The following TCF7 variants were observed in gnomAD, a reference collection of about 807,000 sequenced individuals.
The protein encoded by TCF7 is transcription factor 7, also known as T-cell-factor-7.
TCF7 carries 19 observed loss-of-function variants against 46.8 expected under a neutral mutation model. That is an observed-to-expected ratio of 0.41 (90% CI 0.28 to 0.60). TCF7 has a LOEUF of 0.60. TCF7 is among the 20% of genes least tolerant of loss of function. TCF7 has a pLI of 0.35. For synonymous variants in TCF7, 245 were observed against 213.4 expected, an observed-to-expected ratio of 1.15 and a Z score of -1.29; for missense variants, 547 against 504.6, an observed-to-expected ratio of 1.08 and a Z score of -0.81.
rs1760803955 is a variant in TCF7 at position 134,147,144 on chromosome 5, T to TATCA, written c.*843_*846dup. On this transcript the variant is annotated 3_prime_UTR_variant, in exon 10 of 10. Coordinates refer to ENST00000342854, the MANE Select transcript of TCF7 (RefSeq NM_003202.5). ...GAATGGAATAGGTTAAGTTTAGGCC[T>TATCA]ATCAACCTAAGCAACAGAAATAATC... is the stretch of plus-strand genomic sequence containing the variant. 6.5e-6 allele frequency: 1 copy of TATCA among 152,746 alleles called. No individual in the cohort carries two copies. Among genetic ancestry groups the TATCA allele is most frequent in the Non-Finnish European group, 1.5e-5 (1 of 68,488 alleles). The allele number at this position is 152,746 out of a possible 1,614,324, so 9.5% of individuals were successfully genotyped here.
the TCF7 span, among the ~76,000 whole-genome samples, chr5:134,108,484 C>A: frequency 6.6e-6 from 1 of 152,150 alleles, no homozygotes; most frequent in Admixed American, 6.5e-5. Flanking sequence ...TTACCCTGCC[C>A]ACCACATCCC....
chr5:134,124,255 G>A (rs1757021654), intron 3 of TCF7, among the ~76,000 whole-genome samples: 1 of 152,166 alleles, frequency 6.6e-6, no homozygotes, highest in Non-Finnish European at 1.5e-5. Context: ...GTCCTGTTTC[G>A]CAGACCTGTC....
chr5:134,148,175 CTT>C lies in TCF7; in HGVS notation c.*1875_*1876del, dbSNP rs958688530. 6.6e-6 allele frequency: 1 copy of C among 152,556 alleles called. No individual in the cohort carries two copies. Among genetic ancestry groups the C allele is most frequent in the South Asian group, 2.1e-4 (1 of 4,820 alleles). 9.5% of individuals were successfully genotyped at this position (152,556 alleles called of 1,614,324 possible). A position where few individuals can be genotyped will look rare whatever the true frequency, so the allele number is the denominator to read the frequency against. The stretch of plus-strand genomic sequence containing the variant: ...TTGTTAATGCATCATCATAGAAAAA[CTT>C]TTAAACATGAGAATAAAGATACTTT... On this transcript the variant is annotated 3_prime_UTR_variant, in exon 10 of 10. Transcript: ENST00000342854.
intron 3 of TCF7, among the ~76,000 whole-genome samples, chr5:134,122,509 T>C (rs1222191818): frequency 6.6e-6 from 1 of 152,160 alleles, no homozygotes; most frequent in Non-Finnish European, 1.5e-5. Flanking sequence ...TGGCCCCCTT[T>C]CTGGGTCTCT....
At chr5:134,140,042 AAG>A (rs1759504644) in intron 5 of TCF7, among the ~76,000 whole-genome samples, 1 of 152,208 alleles carries the variant, frequency 6.6e-6, no homozygotes, top group African/African-American at 2.4e-5. Flanking sequence ...GCTGAAGACC[AAG>A]AGAGTTGAGC....
intron 3 of TCF7, among the ~76,000 whole-genome samples, chr5:134,129,380 C>T (rs916851638): frequency 1.3e-5 from 2 of 152,272 alleles, no homozygotes; most frequent in African/African-American, 2.4e-5. Flanking sequence ...TCCCTACTGC[C>T]AAAGACAGCG....
chr5:134,139,161 CA>C, intron 5 of TCF7, 123 bp downstream of exon 5: 1 of 1,441,224 alleles, frequency 6.9e-7, no homozygotes. Context: ...GTTTAGATGC[CA>C]GGGGCTGGCC....
intron 3 of TCF7, among the ~76,000 whole-genome samples, chr5:134,122,018 T>C (rs1438441466): frequency 1.3e-5 from 2 of 152,156 alleles, no homozygotes; most frequent in African/African-American, 4.8e-5. Flanking sequence ...CTATTTTGAA[T>C]TACCTTTCTT....
At position 134,146,903 on chromosome 5, in the gene TCF7, C is replaced by T. The variant is rs913254282; in HGVS notation, c.*600C>T. On this transcript the variant is annotated 3_prime_UTR_variant, in exon 10 of 10. Transcript: ENST00000342854. The stretch of plus-strand genomic sequence containing the variant: ...ATCTCCCCCATCCCCCACTGCCACA[C>T]CCTCCCCATTCAGACACTTCATGGA... 6 of 265,180 alleles carry T rather than the reference C, an allele frequency of 2.3e-5. No homozygotes were observed. Among genetic ancestry groups the T allele is most frequent in the Non-Finnish European group, 4.3e-5 (6 of 139,368 alleles). 16.4% of individuals were successfully genotyped at this position (265,180 alleles called of 1,614,324 possible).
chr5:134,125,102 C>G (rs1016763963), intron 3 of TCF7, among the ~76,000 whole-genome samples: 1 of 152,170 alleles, frequency 6.6e-6, no homozygotes, highest in Non-Finnish European at 1.5e-5. Context: ...CAGCTCCTTG[C>G]AAGCATTGCT....
chr5:134,136,220 C>G (rs1432026239), intron 3 of TCF7, among the ~76,000 whole-genome samples: 1 of 152,118 alleles, frequency 6.6e-6, no homozygotes, highest in African/African-American at 2.4e-5. Context: ...GGGAATGAGA[C>G]AGGGTTTACA....
rs1002651869 is a variant in TCF7, at chr5:134,120,841, A to G, written c.441+4808A>G. Reference sequence around the variant, plus strand: ...GGCTGTTCGTTTCCTCCTCTGCACAATGGGAGTGGTGAGCCCTCCTCCCAG... The same window carrying G: ...GGCTGTTCGTTTCCTCCTCTGCACAGTGGGAGTGGTGAGCCCTCCTCCCAG... On this transcript the variant is annotated intron_variant, in intron 3 of 9. Transcript: ENST00000342854. 3.3e-5 allele frequency among the ~76,000 whole-genome samples: 5 copies of G among 152,210 alleles called. No individual in the cohort carries two copies. In the South Asian group the frequency reaches 6.2e-4, roughly 19 times the overall value.
intron 3 of TCF7, among the ~76,000 whole-genome samples, chr5:134,130,813 C>T (rs1188338705): frequency 6.6e-6 from 1 of 152,104 alleles, no homozygotes; most frequent in African/African-American, 2.4e-5. Flanking sequence ...TAAACACTGG[C>T]TTACACACGC....
At chr5:134,138,293 A>G in intron 4 of TCF7, 129 bp downstream of exon 4, 1 of 751,738 alleles carries the variant, frequency 1.3e-6, no homozygotes, top group Non-Finnish European at 2.2e-6. Context: ...CTAAGGGCCC[A>G]AAGAAAATAC....
chr5:134,146,966 T>C lies in TCF7; in HGVS notation c.*663T>C, dbSNP rs1008420715. The C allele has an allele frequency of 1.1e-5, 2 of 181,198 alleles. No individual in the cohort carries two copies. Among genetic ancestry groups the C allele is most frequent in the African/African-American group, 2.4e-5 (1 of 41,738 alleles). 11.2% of individuals were successfully genotyped at this position (181,198 alleles called of 1,614,324 possible). A position where few individuals can be genotyped will look rare whatever the true frequency, so the allele number is the denominator to read the frequency against. ...TGGTTTGTCAAACAACATGTGAGCATGGTCACAAGCACAAAGCTCAAGATG... is the reference window on the plus strand; with the variant it reads ...TGGTTTGTCAAACAACATGTGAGCACGGTCACAAGCACAAAGCTCAAGATG... On this transcript the variant is annotated 3_prime_UTR_variant, in exon 10 of 10. Coordinates refer to ENST00000342854, the MANE Select transcript of TCF7 (RefSeq NM_003202.5).
At chr5:134,134,727 G>A (rs1274894485) in intron 3 of TCF7, among the ~76,000 whole-genome samples, 2 of 152,162 alleles carry the variant, frequency 1.3e-5, no homozygotes, top group East Asian at 1.9e-4. Context: ...CCCAGAGAAG[G>A]ATGAGACTGG....
Position 134,146,703 on chromosome 5 carries a change from G to A in TCF7, c.*400G>A. The A allele has an allele frequency of 1.6e-6, 1 of 614,972 alleles. No homozygotes were observed. Among genetic ancestry groups the A allele is most frequent in the Admixed American group, 2.9e-5 (1 of 34,106 alleles). The allele number at this position is 614,972 out of a possible 1,614,324, so 38.1% of individuals were successfully genotyped here. ...TCATCGATTCAAACTGCTCCAAGTG[G>A]TGGGAATCAGATCTGTCTTGATGTG... On this transcript the variant is annotated 3_prime_UTR_variant, in exon 10 of 10. Transcript: ENST00000342854.
At chr5:134,129,679 C>T (rs1757837641) in intron 3 of TCF7, among the ~76,000 whole-genome samples, 1 of 152,272 alleles carries the variant, frequency 6.6e-6, no homozygotes, top group South Asian at 2.1e-4. Flanking sequence ...CCATGGGCCA[C>T]GCCACTCGGC....
intron 8 of TCF7, chr5:134,143,345 A>T: frequency 1.3e-6 from 1 of 775,378 alleles, no homozygotes; most frequent in Non-Finnish European, 2.3e-6. Flanking sequence ...CATGGGCAGA[A>T]GGGGAGAAAG....
Sources: gnomAD v4.1 joint callset for allele counts (sites outside exome capture counted in the v4.1 genomes callset) on GRCh38, gnomAD v4.1.1 for gene constraint, MANE v1.5 for transcripts, NCBI Gene and HGNC (gene_info 2026-07-23, HGNC 2026-07-21) for gene names.